Variants in CACUL1 observed in about 807,000 individuals in gnomAD.
The protein encoded by CACUL1 is CDK2 associated cullin domain 1.
In CACUL1, 13 loss-of-function variants were observed where a neutral mutation model predicts 45.2. The observed-to-expected ratio is 0.29, with a 90% CI of 0.19 to 0.46. CACUL1 has a LOEUF of 0.46. Among genes scored for constraint, CACUL1 ranks in the 20% least tolerant of loss-of-function variants. The pLI is 1.00. For synonymous variants in CACUL1, 197 were observed against 174.2 expected, an observed-to-expected ratio of 1.13 and a Z score of -1.03; for missense variants, 421 against 471.4, an observed-to-expected ratio of 0.89 and a Z score of 0.99.
At chr10:118,695,332 A>G in intron 5 of CACUL1, 102 bp from the exon 6 acceptor site, 1 of 724,018 alleles carries the variant, frequency 1.4e-6, no homozygotes. Flanking sequence ...AAACAATTGT[A>G]AGAAAGGAAC....
intron 1 of CACUL1, 62 bp from the exon 2 acceptor site, chr10:118,730,472 A>T (rs1845687303): frequency 6.8e-7 from 1 of 1,479,018 alleles, no homozygotes; most frequent in Admixed American, 1.9e-5. Flanking sequence ...CACAAATCAC[A>T]GCCATTTTGC....
At chr10:118,745,922 A>AG (rs1164735681) in intron 1 of CACUL1, among the ~76,000 whole-genome samples, 4 of 151,574 alleles carry the variant, frequency 2.6e-5, no homozygotes. Context: ...GTGGATCGCA[A>AG]GGTCAGGAGA....
At chr10:118,701,114 C>G (rs1292063404) in intron 5 of CACUL1, among the ~76,000 whole-genome samples, 192 bp downstream of exon 5, 1 of 152,124 alleles carries the variant, frequency 6.6e-6, no homozygotes, top group African/African-American at 2.4e-5. Context: ...AAGGTGCTCA[C>G]AGCTCACCGG....
At chr10:118,706,978 C>T (rs1232898666) in intron 4 of CACUL1, among the ~76,000 whole-genome samples, 1 of 152,130 alleles carries the variant, frequency 6.6e-6, no homozygotes, top group Non-Finnish European at 1.5e-5. Flanking sequence ...TCAACAGGAG[C>T]ACTAACATTA....
Position 118,754,595 on chromosome 10 carries a change from C to G in CACUL1, c.168G>C (p.Gln56His). 6.2e-7 allele frequency: 1 copy of G among 1,609,098 alleles called. No homozygotes were observed. Among genetic ancestry groups the G allele is most frequent in the Non-Finnish European group, 8.5e-7 (1 of 1,177,928 alleles). Reference protein sequence around the residue: ...PAPAREPPGGQLLAVPAVSVD... With the variant: ...PAPAREPPGGHLLAVPAVSVD... The stretch of plus-strand genomic sequence containing the variant: ...CGGAGACCGCGGGCACCGCCAGCAG[C>G]TGCCCCCCCGGAGGCTCTCGGGCAG... The change falls in exon 1 of 9, where the codon CAG (glutamine) becomes CAC (histidine). Residue 56 changes from glutamine to histidine, a missense_variant. By Grantham distance (24) the Gln-to-His change is conservative. This residue lies in a region of CACUL1 where 213 missense variants were observed against 173.1 expected (regional missense o/e 1.23). Transcript: ENST00000369151.
intron 1 of CACUL1, among the ~76,000 whole-genome samples, chr10:118,747,111 C>T (rs1845850141): frequency 2.0e-5 from 3 of 152,154 alleles, no homozygotes; most frequent in African/African-American, 7.2e-5. Flanking sequence ...CCTGATGATC[C>T]GAGGTGGAAC....
At chr10:118,734,503 T>G (rs1413865142) in intron 1 of CACUL1, among the ~76,000 whole-genome samples, 1 of 152,230 alleles carries the variant, frequency 6.6e-6, no homozygotes, top group Non-Finnish European at 1.5e-5. Flanking sequence ...TCATCTAGGT[T>G]AGATTTTCAG....
At position 118,749,773 on chromosome 10, in the gene CACUL1, C is replaced by G. The variant is rs574524432; in HGVS notation, c.367+4623G>C. Reference sequence around the variant, plus strand: ...AGGAACGTCACTATGGTAAACCAGGCAGATCAGGGGCTTATGGACGTCACA... The same window carrying G: ...AGGAACGTCACTATGGTAAACCAGGGAGATCAGGGGCTTATGGACGTCACA... On this transcript the variant is annotated intron_variant, in intron 1 of 8. Coordinates refer to ENST00000369151, the MANE Select transcript of CACUL1 (RefSeq NM_153810.5). Among the ~76,000 whole-genome samples, 3 of 152,318 alleles carry G rather than the reference C, an allele frequency of 2.0e-5. No individual in the cohort carries two copies. The East Asian group carries it at 5.8e-4, about 29-fold the overall frequency.
intron 1 of CACUL1, among the ~76,000 whole-genome samples, chr10:118,746,839 C>A (rs966104843): frequency 6.6e-5 from 10 of 152,136 alleles, no homozygotes; most frequent in African/African-American, 2.4e-4. Flanking sequence ...GCCAACGGCA[C>A]ATGTAAAAGA....
chr10:118,730,891 C>G (rs866182807), intron 1 of CACUL1, among the ~76,000 whole-genome samples: 2 of 152,218 alleles, frequency 1.3e-5, no homozygotes, highest in Non-Finnish European at 1.5e-5. Flanking sequence ...GGTCCAAATG[C>G]TGCAATCACA....
chr10:118,754,902 G>A lies in CACUL1; in HGVS notation c.-140C>T, dbSNP rs948971727. 1.6e-6 allele frequency: 2 copies of A among 1,218,266 alleles called. No individual in the cohort carries two copies. The highest frequency in any genetic ancestry group is 2.2e-6 in the Non-Finnish European group (2 of 897,062). The allele number at this position is 1,218,266 out of a possible 1,614,324, so 75.5% of individuals were successfully genotyped here. A position where few individuals can be genotyped will look rare whatever the true frequency, so the allele number is the denominator to read the frequency against. On this transcript the variant is annotated 5_prime_UTR_variant, in exon 1 of 9. Transcript: ENST00000369151. ...AGCGGAGAGGGCTGCGGTGCGCAGG[G>A]TCTCTCGCTCTCCGCGGGGCCGACT...
At chr10:118,725,754 G>C (rs9971081) in intron 3 of CACUL1, among the ~76,000 whole-genome samples, 85,994 of 152,108 alleles carry the variant, frequency 0.57, 25,630 homozygotes, top group Non-Finnish European at 0.68. Context: ...CAGCAAGTTA[G>C]ATTATGCTGT....
intron 1 of CACUL1, among the ~76,000 whole-genome samples, chr10:118,734,107 G>C (rs1321194757): frequency 6.6e-6 from 1 of 152,208 alleles, no homozygotes; most frequent in Non-Finnish European, 1.5e-5. Context: ...GCTAAGATCA[G>C]AGCAGCATGA....
intron 4 of CACUL1, among the ~76,000 whole-genome samples, 181 bp from the exon 5 acceptor site, chr10:118,701,589 G>A (rs1432236869): frequency 6.6e-6 from 1 of 152,036 alleles, no homozygotes; most frequent in Non-Finnish European, 1.5e-5. Flanking sequence ...GCACGGGGTG[G>A]AAAGCATAAA....
chr10:118,721,642 T>G (rs1845601746), intron 3 of CACUL1, among the ~76,000 whole-genome samples: 3 of 152,132 alleles, frequency 2.0e-5, no homozygotes, highest in African/African-American at 7.2e-5. Context: ...GCGCTAATCT[T>G]CCCACTTGAA....
chr10:118,754,485 C>T lies in CACUL1; in HGVS notation c.278G>A (p.Ser93Asn), dbSNP rs1845934012. The change falls in exon 1 of 9, where the codon AGC (serine) becomes AAC (asparagine). Residue 93 changes from serine (S) to asparagine (N), a missense_variant. By Grantham distance (46) the Ser-to-Asn change is conservative. Transcript: ENST00000369151. ...EANGVIMMLK[S>N]CDAAAAVAKA... ...GGCCACGGCGGCGGCCGCGTCGCAG[C>T]TCTTCAACATCATGATCACCCCATT... 8 of 1,612,438 alleles carry T rather than the reference C, an allele frequency of 5.0e-6. No individual in the cohort carries two copies. Among genetic ancestry groups the T allele is most frequent in the African/African-American group, 2.7e-5 (2 of 74,922 alleles).
chr10:118,720,295 A>C (rs1292008424), intron 3 of CACUL1, among the ~76,000 whole-genome samples: 1 of 152,202 alleles, frequency 6.6e-6, no homozygotes, highest in Non-Finnish European at 1.5e-5. Context: ...TTCAAGGATT[A>C]CTAAATGGAG....
At chr10:118,726,884 G>C (rs551847692) in intron 3 of CACUL1, among the ~76,000 whole-genome samples, 1 of 152,184 alleles carries the variant, frequency 6.6e-6, no homozygotes, top group East Asian at 1.9e-4. Flanking sequence ...CTGAGTGACA[G>C]AGCTGGAAAC....
rs200687119 is a variant in CACUL1 at position 118,754,433 on chromosome 10, G to A, written c.330C>T (p.Ser110=). The change falls in exon 1 of 9, where the codon AGC becomes AGT. Residue 110 remains serine, a synonymous_variant. Coordinates refer to ENST00000369151, the MANE Select transcript of CACUL1 (RefSeq NM_153810.5). ...TGGAGGTGTTGATGTTGATGGTGGA[G>A]CTGGCGGTGGGGGCGGGGGCCGCCT... ...VAKAAPAPTA[S]STININTSTS... is the part of the protein sequence containing the mutation. 2 of 1,597,762 alleles carry A rather than the reference G, an allele frequency of 1.3e-6. No individual in the cohort carries two copies. The highest frequency in any genetic ancestry group is 2.7e-5 in the African/African-American group (2 of 74,494).
Sources: gnomAD v4.1 joint callset for allele counts (sites outside exome capture counted in the v4.1 genomes callset) on GRCh38, gnomAD v4.1.1 for gene constraint, gnomAD v4.1.1 regional missense constraint, MANE v1.5 for transcripts, NCBI Gene and HGNC (gene_info 2026-07-23, HGNC 2026-07-21) for gene names.